DNAH9: variants seen among roughly 807,000 people sequenced by gnomAD.
DNAH9 encodes dynein axonemal heavy chain 9, also known as DNAH9 variant protein.
A neutral mutation model predicts 471.6 loss-of-function variants in DNAH9; 345 were observed. The observed-to-expected ratio is 0.73, with a 90% confidence interval of 0.67 to 0.80. The LOEUF (loss-of-function observed/expected upper bound fraction) is 0.80. DNAH9 is among the 30% of genes least tolerant of loss of function. The pLI, the probability that DNAH9 is intolerant of heterozygous loss-of-function variation, is 0.00. For missense variants in DNAH9, 5,407 were observed against 5,609.2 expected (o/e 0.96, Z 1.15); for synonymous variants, 2,093 against 2,123.6 (o/e 0.99, Z 0.40).
At chr17:11,817,404 C>G (rs1490470827) in intron 45 of DNAH9, among the ~76,000 whole-genome samples, 1 of 152,142 alleles carries the variant, frequency 6.6e-6, no homozygotes, top group Non-Finnish European at 1.5e-5. Flanking sequence ...GGCCCAGGTG[C>G]TTTCAACGTC....
intron 57 of DNAH9, among the ~76,000 whole-genome samples, chr17:11,888,887 G>C (rs1010992335): frequency 6.6e-6 from 1 of 152,166 alleles, no homozygotes; most frequent in Non-Finnish European, 1.5e-5. Flanking sequence ...CCCCAGATAG[G>C]CCAACGTGGC....
At chr17:11,673,346 G>A (rs895206494) in intron 17 of DNAH9, among the ~76,000 whole-genome samples, 9 of 152,186 alleles carry the variant, frequency 5.9e-5, no homozygotes, top group African/African-American at 2.2e-4. Context: ...TCCCATGACT[G>A]TGGATAAGCT....
chr17:11,879,639 G>A (rs1972635482), intron 53 of DNAH9, among the ~76,000 whole-genome samples: 1 of 150,962 alleles, frequency 6.6e-6, no homozygotes, highest in Non-Finnish European at 1.5e-5. Flanking sequence ...AAATTAAGGT[G>A]TATCAATATG....
intron 61 of DNAH9, among the ~76,000 whole-genome samples, chr17:11,908,514 G>C (rs1973682731): frequency 6.6e-6 from 1 of 152,148 alleles, no homozygotes; most frequent in South Asian, 2.1e-4. Context: ...AAGCTTTACG[G>C]AGGTAATTCT....
chr17:11,843,890 T>TATATATATATACAC (rs1389217941), intron 49 of DNAH9, among the ~76,000 whole-genome samples: 28 of 127,208 alleles, frequency 2.2e-4, no homozygotes, highest in African/African-American at 8.3e-4. Context: ...TATATATATA[T>TATATATATATACAC]ACACATAGAG....
intron 33 of DNAH9, among the ~76,000 whole-genome samples, chr17:11,756,143 G>T (rs1967375501): frequency 6.6e-6 from 1 of 152,104 alleles, no homozygotes; most frequent in South Asian, 2.1e-4. Flanking sequence ...TGGACATGGT[G>T]GCAGGCACCT....
intron 49 of DNAH9, among the ~76,000 whole-genome samples, chr17:11,836,422 G>A (rs975443633): frequency 6.6e-6 from 1 of 152,112 alleles, no homozygotes; most frequent in Non-Finnish European, 1.5e-5. Flanking sequence ...CTAAAAGTAA[G>A]GGTGTCCAAG....
At chr17:11,667,897 C>G (rs2073900997) in intron 15 of DNAH9, among the ~76,000 whole-genome samples, 1 of 152,190 alleles carries the variant, frequency 6.6e-6, no homozygotes, top group South Asian at 2.1e-4. Context: ...CTGGTCAAAT[C>G]CCAGTTATTA....
intron 30 of DNAH9, among the ~76,000 whole-genome samples, chr17:11,743,424 A>AGG: frequency 6.6e-6 from 1 of 152,180 alleles, no homozygotes; most frequent in Non-Finnish European, 1.5e-5. Context: ...CTCTCTTCTA[A>AGG]TTCCTCAGAT....
chr17:11,763,740 T>A, intron 36 of DNAH9, 126 bp downstream of exon 36: 1 of 901,840 alleles, frequency 1.1e-6, no homozygotes, highest in East Asian at 2.6e-5. Context: ...GCAAACTATT[T>A]AGTCATCTAC....
intron 14 of DNAH9, among the ~76,000 whole-genome samples, chr17:11,659,527 GC>G (rs2073717098): frequency 1.3e-5 from 2 of 152,298 alleles, no homozygotes; most frequent in South Asian, 4.1e-4. Flanking sequence ...ACCCCTTGTA[GC>G]CTCTGGAATG....
intron 52 of DNAH9, chr17:11,873,480 T>C (rs1043298113): frequency 6.6e-6 from 1 of 152,190 alleles, no homozygotes; most frequent in Non-Finnish European, 1.5e-5. Context: ...GTACTGGCCA[T>C]TTGTGCCCTT....
chr17:11,911,980 C>A (rs1973806748), intron 61 of DNAH9, among the ~76,000 whole-genome samples: 1 of 152,184 alleles, frequency 6.6e-6, no homozygotes, highest in East Asian at 1.9e-4. Flanking sequence ...ATGTTATCTG[C>A]AAATTCAGAT....
chr17:11,864,262 C>T (rs1024717030), intron 50 of DNAH9, among the ~76,000 whole-genome samples: 19 of 150,606 alleles, frequency 1.3e-4, no homozygotes, highest in Non-Finnish European at 2.4e-4. Flanking sequence ...TTTATTTCTG[C>T]CTTCATTTCG....
At chr17:11,632,092 A>C (rs982393042) in intron 7 of DNAH9, among the ~76,000 whole-genome samples, 1 of 152,232 alleles carries the variant, frequency 6.6e-6, no homozygotes, top group Non-Finnish European at 1.5e-5. Flanking sequence ...TTAACCAATT[A>C]AGAAGGATTT....
At chr17:11,828,694 G>A (rs16945383) in intron 48 of DNAH9, among the ~76,000 whole-genome samples, 78,486 of 151,600 alleles carry the variant, frequency 0.52, 21,432 homozygotes, top group Non-Finnish European at 0.6. Context: ...AAAACTCTAC[G>A]ACTGGTTCAC....
intron 67 of DNAH9, among the ~76,000 whole-genome samples, chr17:11,947,590 T>C (rs944088285): frequency 1.3e-5 from 2 of 152,094 alleles, no homozygotes; most frequent in Non-Finnish European, 2.9e-5. Flanking sequence ...GTATTTTAGA[T>C]ATATTGAGTT....
intron 1 of DNAH9, among the ~76,000 whole-genome samples, chr17:11,602,729 C>T (rs575696375): frequency 2.0e-5 from 3 of 152,166 alleles, no homozygotes; most frequent in African/African-American, 4.8e-5. Flanking sequence ...TATCTTTGTC[C>T]TCCAGTGATC....
At chr17:11,875,289 C>G in intron 53 of DNAH9, 105 bp downstream of exon 53, 1 of 864,816 alleles carries the variant, frequency 1.2e-6, no homozygotes, top group Non-Finnish European at 1.8e-6. Context: ...CACTCCTGGT[C>G]TCTCCATCAG....
Sources: gnomAD v4.1 joint callset for allele counts (sites outside exome capture counted in the v4.1 genomes callset) on GRCh38, gnomAD v4.1.1 for gene constraint, MANE v1.5 for transcripts, NCBI Gene and HGNC (gene_info 2026-07-23, HGNC 2026-07-21) for gene names.